The following DPYD variants were observed in gnomAD, a reference collection of about 807,000 sequenced individuals.
The protein encoded by DPYD is dihydropyrimidine dehydrogenase.
Under a neutral mutation model 116.2 loss-of-function variants are expected in DPYD, and 109 were observed. That is an observed-to-expected ratio of 0.94 (90% CI 0.80 to 1.10). The LOEUF is 1.10. Among genes scored for constraint, DPYD ranks in the 50% least tolerant of loss-of-function variants. The pLI, the probability that DPYD is intolerant of heterozygous loss-of-function variation, is 0.00. For missense variants in DPYD, 1,302 were observed against 1,254.5 expected (o/e 1.04, Z -0.57); for synonymous variants, 440 against 432.0 (o/e 1.02, Z -0.23).
At chr1:97,769,158 C>T (rs1335773470) in intron 3 of DPYD, among the ~76,000 whole-genome samples, 2 of 151,922 alleles carry the variant, frequency 1.3e-5, no homozygotes, top group African/African-American at 4.8e-5. Flanking sequence ...GCTGGGTTTG[C>T]CTAGATTTCC....
In DPYD at chr1:97,450,650, T is replaced by A. The variant is rs1412251148; in HGVS notation, c.1741-427A>T. On this transcript the variant is annotated intron_variant, in intron 13 of 22. Transcript: ENST00000370192. ...TAATGTTAGTAAAAAGTTTATATTTTTTTTTTCTGAAAAAAGTAACTCCGA... is the reference window on the plus strand; with the variant it reads ...TAATGTTAGTAAAAAGTTTATATTTATTTTTTCTGAAAAAAGTAACTCCGA... Among the ~76,000 whole-genome samples, 3 of 151,964 alleles carry A rather than the reference T, an allele frequency of 2.0e-5. No individual in the cohort carries two copies. In the East Asian group the frequency reaches 5.8e-4, roughly 29 times the overall value.
rs182109300 is a variant in DPYD at position 97,308,186 on chromosome 1, T to C, written c.2059-1889A>G. Among the ~76,000 whole-genome samples the C allele has an allele frequency of 2.8e-3, 422 of 151,924 alleles. 1 individual carries two copies. Among genetic ancestry groups the C allele is most frequent in the Middle Eastern group, 6.8e-3 (2 of 294 alleles). On this transcript the variant is annotated intron_variant, in intron 16 of 22. Transcript: ENST00000370192. ...TAGGTGACTGCTTTAAATGACTGCC[T>C]CTTACCCATTGCTTAATGATCTGGA... is the stretch of plus-strand genomic sequence containing the variant.
At chr1:97,821,935 A>G (rs967449694) in intron 3 of DPYD, among the ~76,000 whole-genome samples, 1 of 152,062 alleles carries the variant, frequency 6.6e-6, no homozygotes, top group African/African-American at 2.4e-5. Flanking sequence ...CAAAAAAGTA[A>G]GAGTAAAATA....
intron 3 of DPYD, among the ~76,000 whole-genome samples, chr1:97,772,615 G>A (rs1666202441): frequency 6.6e-6 from 1 of 152,146 alleles, no homozygotes; most frequent in East Asian, 1.9e-4. Flanking sequence ...GTGAAAGAAA[G>A]AATTTAAGTA....
At chr1:97,915,108 A>G (rs1571579012) in intron 1 of DPYD, among the ~76,000 whole-genome samples, 1 of 152,182 alleles carries the variant, frequency 6.6e-6, no homozygotes. Flanking sequence ...GACTCCAATT[A>G]ATCCTTATAG....
At chr1:97,280,720 G>A (rs1250086037) in intron 18 of DPYD, among the ~76,000 whole-genome samples, 1 of 152,118 alleles carries the variant, frequency 6.6e-6, no homozygotes, top group African/African-American at 2.4e-5. Flanking sequence ...GTAGAAAAGT[G>A]GTATTAAGAG....
At chr1:97,147,264 G>A (rs867898472) in intron 20 of DPYD, among the ~76,000 whole-genome samples, 2 of 152,130 alleles carry the variant, frequency 1.3e-5, no homozygotes, top group Admixed American at 6.6e-5. Context: ...GAGAAGAATC[G>A]CCTGAACTCA....
intron 8 of DPYD, among the ~76,000 whole-genome samples, chr1:97,596,426 T>C (rs950754): frequency 0.016 from 2,438 of 152,212 alleles, 56 homozygotes; most frequent in African/African-American, 0.055. Flanking sequence ...GAAAGGAAAA[T>C]AAATGGCAGA....
intron 8 of DPYD, among the ~76,000 whole-genome samples, chr1:97,600,035 ACT>A (rs1391937288): frequency 2.0e-5 from 3 of 151,848 alleles, no homozygotes; most frequent in Non-Finnish European, 4.4e-5. Context: ...ACAGAGTGAG[ACT>A]CTGTCTCAAA....
chr1:97,802,858 AT>A (rs1667911237), intron 3 of DPYD, among the ~76,000 whole-genome samples: 1 of 151,964 alleles, frequency 6.6e-6, no homozygotes, highest in African/African-American at 2.4e-5. Context: ...TCCTATGTCA[AT>A]TTTTTTGTGA....
At chr1:97,861,240 T>C (rs1005640956) in intron 2 of DPYD, among the ~76,000 whole-genome samples, 5 of 151,942 alleles carry the variant, frequency 3.3e-5, no homozygotes, top group Non-Finnish European at 7.4e-5. Flanking sequence ...TAACAAATGA[T>C]GCAGAAACAG....
chr1:97,691,984 T>A (rs1282835377), intron 6 of DPYD, among the ~76,000 whole-genome samples, 186 bp from the exon 7 acceptor site: 1 of 152,088 alleles, frequency 6.6e-6, no homozygotes, highest in African/African-American at 2.4e-5. Context: ...ACATGTTACG[T>A]GGAGTGAAGA....
chr1:97,775,622 GCT>G (rs1244915923), intron 3 of DPYD, among the ~76,000 whole-genome samples: 1 of 151,950 alleles, frequency 6.6e-6, no homozygotes, highest in African/African-American at 2.4e-5. Flanking sequence ...TCTTAACTCT[GCT>G]CTGTTTTTAC....
intron 14 of DPYD, among the ~76,000 whole-genome samples, chr1:97,440,662 T>C (rs915586632): frequency 7.9e-5 from 12 of 152,202 alleles, no homozygotes; most frequent in African/African-American, 2.2e-4. Flanking sequence ...TTTCGTACTA[T>C]AGTTGTACAT....
At chr1:97,139,323 A>C (rs571263448) in intron 20 of DPYD, among the ~76,000 whole-genome samples, 2 of 152,250 alleles carry the variant, frequency 1.3e-5, no homozygotes, top group Non-Finnish European at 2.9e-5. Context: ...AAAACTGCAA[A>C]GTGTTTTTTG....
intron 14 of DPYD, among the ~76,000 whole-genome samples, chr1:97,403,937 A>G (rs1467616916): frequency 1.3e-5 from 2 of 152,022 alleles, no homozygotes; most frequent in Non-Finnish European, 2.9e-5. Context: ...AATGATATAA[A>G]TTGCCCTTTA....
intron 4 of DPYD, among the ~76,000 whole-genome samples, chr1:97,729,866 G>C (rs939335883): frequency 2.6e-5 from 4 of 151,982 alleles, no homozygotes; most frequent in Non-Finnish European, 5.9e-5. Flanking sequence ...GAGCGCTTTT[G>C]GTAAGCACTA....
intron 13 of DPYD, among the ~76,000 whole-genome samples, chr1:97,456,685 T>C (rs527429086): frequency 6.6e-6 from 1 of 152,112 alleles, no homozygotes; most frequent in African/African-American, 2.4e-5. Context: ...GATGGCGTAA[T>C]TGAGAGCTGG....
intron 8 of DPYD, among the ~76,000 whole-genome samples, chr1:97,599,125 G>C (rs962031004): frequency 6.6e-6 from 1 of 152,160 alleles, no homozygotes; most frequent in Non-Finnish European, 1.5e-5. Context: ...TGCTTCTCTT[G>C]TCAGCATTTT....
Sources: gnomAD v4.1 joint callset for allele counts (sites outside exome capture counted in the v4.1 genomes callset) on GRCh38, gnomAD v4.1.1 for gene constraint, MANE v1.5 for transcripts, NCBI Gene and HGNC (gene_info 2026-07-23, HGNC 2026-07-21) for gene names.